The following AP2B1 variants were observed in gnomAD, a reference collection of about 807,000 sequenced individuals.
AP2B1 encodes the protein adaptor related protein complex 2 subunit beta 1.
AP2B1 carries 23 observed loss-of-function variants against 102.0 expected under a neutral mutation model. That is an observed-to-expected ratio of 0.23 (90% CI 0.16 to 0.32). The LOEUF (loss-of-function observed/expected upper bound fraction) is 0.32. Ranked by LOEUF, AP2B1 falls within the 10% of genes least tolerant of loss-of-function variation. The pLI is 1.00. For synonymous variants in AP2B1, 381 were observed against 421.2 expected, an observed-to-expected ratio of 0.90 and a Z score of 1.17; for missense variants, 541 against 1,157.4, an observed-to-expected ratio of 0.47 and a Z score of 7.73.
rs587660712 is a variant in AP2B1 at position 35,704,575 on chromosome 17, G to GAA, written c.2455-4648_2455-4647dup. 1.3e-4 allele frequency among the ~76,000 whole-genome samples: 20 copies of GAA among 152,280 alleles called. No homozygotes were observed. The South Asian group carries it at 2.3e-3, about 17-fold the overall frequency. On this transcript the variant is annotated intron_variant, in intron 18 of 21. Coordinates refer to ENST00000610402, the MANE Select transcript of AP2B1 (RefSeq NM_001030006.2). ...AGCTCATTGTATTATAGGTGAGCCG[G>GAA]AAGTAAGCCATTATTATATGCTATC...
intron 14 of AP2B1, 26 bp from the exon 15 acceptor site, chr17:35,670,822 ACCTCTCTCT>A (rs1325018433): frequency 3.7e-6 from 6 of 1,608,704 alleles, no homozygotes; most frequent in East Asian, 2.2e-5. Flanking sequence ...AATGAACTCT[ACCTCTCTCT>A]CCTCTCTCTC....
intron 18 of AP2B1, among the ~76,000 whole-genome samples, chr17:35,699,489 T>C (rs1568012424): frequency 6.6e-6 from 1 of 152,184 alleles, no homozygotes; most frequent in Non-Finnish European, 1.5e-5. Flanking sequence ...TCAGCTATCA[T>C]GTAATACCCC....
rs1453771337 is a variant in AP2B1 at position 35,671,920 on chromosome 17, A to G, written c.2178+20A>G. The G allele has an allele frequency of 6.2e-7, 1 of 1,610,730 alleles. No individual in the cohort carries two copies. The highest frequency in any genetic ancestry group is 1.3e-5 in the African/African-American group (1 of 75,008). On this transcript the variant is annotated intron_variant, in intron 16 of 21. Coordinates refer to ENST00000610402, the MANE Select transcript of AP2B1 (RefSeq NM_001030006.2). ...AAGGCTGTAAGTAAAGAGTTAACAT[A>G]GCAATACTTTCTTAATGGACAGGAC... is the stretch of plus-strand genomic sequence containing the variant.
chr17:35,596,246 G>A (rs553759924), intron 2 of AP2B1, among the ~76,000 whole-genome samples: 1 of 152,046 alleles, frequency 6.6e-6, no homozygotes, highest in East Asian at 1.9e-4. Flanking sequence ...CACTGTTCCC[G>A]GAAGTGAATG....
rs782806308 is a variant in AP2B1 at position 35,724,536 on chromosome 17, G to A, written c.*837G>A. On this transcript the variant is annotated 3_prime_UTR_variant, in exon 22 of 22. Transcript: ENST00000610402. ...GAATTTGAGTAGAGATGGGGAACAA[G>A]AACCCAGATGCTGTCCCCTCACCCC... 4 of 152,172 alleles carry A rather than the reference G, an allele frequency of 2.6e-5. No individual in the cohort carries two copies. Among genetic ancestry groups the A allele is most frequent in the Non-Finnish European group, 5.9e-5 (4 of 68,048 alleles). The allele number at this position is 152,172 out of a possible 1,614,324, so 9.4% of individuals were successfully genotyped here.
intron 4 of AP2B1, among the ~76,000 whole-genome samples, chr17:35,606,322 C>T (rs1411297702): frequency 1.3e-5 from 2 of 152,116 alleles, no homozygotes; most frequent in Non-Finnish European, 2.9e-5. Flanking sequence ...TCACTGCAAC[C>T]TCTGCCTCCC....
At chr17:35,674,434 T>A in intron 17 of AP2B1, 113 bp downstream of exon 17, 1 of 1,292,976 alleles carries the variant, frequency 7.7e-7, no homozygotes, top group Non-Finnish European at 1.1e-6. Flanking sequence ...CCAGGTACAG[T>A]GGCTCATGCC....
At chr17:35,676,180 A>G (rs2075698003) in intron 17 of AP2B1, among the ~76,000 whole-genome samples, 1 of 152,174 alleles carries the variant, frequency 6.6e-6, no homozygotes, top group African/African-American at 2.4e-5. Flanking sequence ...ATTTAGGCTC[A>G]TATTCTGGCA....
chr17:35,604,506 C>T (rs1458605950), intron 3 of AP2B1, among the ~76,000 whole-genome samples: 1 of 151,634 alleles, frequency 6.6e-6, no homozygotes, highest in Admixed American at 6.6e-5. Flanking sequence ...ATCTGTAATC[C>T]CAGAACTTTG....
At chr17:35,713,859 A>G (rs181749901) in intron 20 of AP2B1, 1 of 152,368 alleles carries the variant, frequency 6.6e-6, no homozygotes, top group Admixed American at 6.5e-5. Context: ...GTTAGATCAG[A>G]AAGCTGCTAA....
chr17:35,679,636 C>T (rs1402833087), intron 17 of AP2B1, among the ~76,000 whole-genome samples: 1 of 152,016 alleles, frequency 6.6e-6, no homozygotes, highest in African/African-American at 2.4e-5. Context: ...ACTTTTTCCC[C>T]CTTGTTTGTT....
chr17:35,627,760 G>C, intron 9 of AP2B1, 34 bp downstream of exon 9: 1 of 1,542,764 alleles, frequency 6.5e-7, no homozygotes, highest in East Asian at 2.3e-5. Flanking sequence ...ATCATGTATT[G>C]GGGATTCTGA....
At chr17:35,665,815 A>T (rs942634727) in intron 14 of AP2B1, among the ~76,000 whole-genome samples, 1 of 152,222 alleles carries the variant, frequency 6.6e-6, no homozygotes, top group Admixed American at 6.5e-5. Flanking sequence ...TCAGATACCT[A>T]GACAGCTCCA....
chr17:35,719,360 A>C (rs1422109371), intron 21 of AP2B1, among the ~76,000 whole-genome samples: 2 of 139,560 alleles, frequency 1.4e-5, no homozygotes, highest in Non-Finnish European at 3.1e-5. Flanking sequence ...CTGTCACCAC[A>C]AAAAAAAAAA....
chr17:35,666,659 C>G (rs7212232), intron 14 of AP2B1, among the ~76,000 whole-genome samples: 1,992 of 152,258 alleles, frequency 0.013, 50 homozygotes, highest in African/African-American at 0.046. Flanking sequence ...AACACAGTAT[C>G]TAGACATTTA....
At chr17:35,639,501 A>C in intron 10 of AP2B1, 94 bp from the exon 11 acceptor site, 8 of 1,122,432 alleles carry the variant, frequency 7.1e-6, no homozygotes, top group Non-Finnish European at 1.0e-5. Flanking sequence ...GGTTTGGTTT[A>C]GGGTCCCTTG....
Position 35,640,427 on chromosome 17 carries a change from A to G in AP2B1, c.1437+667A>G, listed in dbSNP as rs190444089. Among the ~76,000 whole-genome samples, 169 of 151,232 alleles carry G rather than the reference A, an allele frequency of 1.1e-3. 3 individuals are homozygous for G. In the East Asian group the frequency reaches 0.032, roughly 28 times the overall value. On this transcript the variant is annotated intron_variant, in intron 11 of 21. Coordinates refer to ENST00000610402, the MANE Select transcript of AP2B1 (RefSeq NM_001030006.2). ...AATTTTTTGTATTTTTAGTAGAGAC[A>G]GGGTTTCACCATGTTGGCCAGGCTG...
rs529512372 is a variant in AP2B1, at chr17:35,627,348, C to T, written c.939-37C>T. 8.4e-6 allele frequency: 13 copies of T among 1,552,474 alleles called. No homozygotes were observed. In the South Asian group the frequency reaches 1.3e-4, roughly 16 times the overall value. On this transcript the variant is annotated intron_variant, in intron 7 of 21. Transcript: ENST00000610402. ...TCTCAGAAGGGTATATCAGTATATG[C>T]CTTCACCTTCCTTTCTTCTGTTTCT...
At position 35,650,573 on chromosome 17, in the gene AP2B1, G is replaced by A; in HGVS notation, c.1580G>A (p.Trp527Ter). 6.2e-7 allele frequency: 1 copy of A among 1,614,066 alleles called. No individual in the cohort carries two copies. Among genetic ancestry groups the A allele is most frequent in the Non-Finnish European group, 8.5e-7 (1 of 1,180,010 alleles). Residue 527 changes from tryptophan to a stop codon, truncating the protein, a stop_gained, in exon 13 of 22, where the codon TGG becomes TAG. Coordinates refer to ENST00000610402, the MANE Select transcript of AP2B1 (RefSeq NM_001030006.2). LOFTEE classifies it high-confidence loss of function. ...PDLRDRGYIYWRLLSTDPVTA... is the reference protein window; with the variant it reads ...PDLRDRGYIY ...CTTCGAGACCGGGGCTATATTTATT[G>A]GCGCCTTCTCTCAACTGACCCTGTT...
Sources: gnomAD v4.1 joint callset for allele counts (sites outside exome capture counted in the v4.1 genomes callset) on GRCh38, gnomAD v4.1.1 for gene constraint, MANE v1.5 for transcripts, NCBI Gene and HGNC (gene_info 2026-07-23, HGNC 2026-07-21) for gene names.